The following SLC12A1 variants were observed in gnomAD, a reference collection of about 807,000 sequenced individuals.
SLC12A1 encodes solute carrier family 12 member 1.
SLC12A1 carries 89 observed loss-of-function variants against 130.4 expected under a neutral mutation model. That is an observed-to-expected ratio of 0.68 (90% CI 0.58 to 0.81). The LOEUF (loss-of-function observed/expected upper bound fraction) is 0.81, where lower values mean the gene tolerates loss of function less well. Ranked by LOEUF, SLC12A1 falls within the 40% of genes least tolerant of loss-of-function variation. The pLI, the probability that SLC12A1 is intolerant of heterozygous loss-of-function variation, is 0.00. For synonymous variants in SLC12A1, 499 were observed against 460.0 expected, an observed-to-expected ratio of 1.08 and a Z score of -1.09; for missense variants, 1,310 against 1,336.4, an observed-to-expected ratio of 0.98 and a Z score of 0.31.
chr15:48,217,284 A>G (rs1046121545), intron 2 of SLC12A1, among the ~76,000 whole-genome samples: 7 of 152,138 alleles, frequency 4.6e-5, no homozygotes, highest in African/African-American at 1.7e-4. Flanking sequence ...CCATCTCTAA[A>G]CCTAATTACT....
rs78248568 is a variant in SLC12A1, at chr15:48,211,374, C to T, written c.420+3235C>T. On this transcript the variant is annotated intron_variant, in intron 2 of 26. Transcript: ENST00000380993. ...ACTCAGCTACTCTCCTTACTTTTCCCCCCTCAAATATAAGAAGTGAAAACC... is the reference window on the plus strand; with the variant it reads ...ACTCAGCTACTCTCCTTACTTTTCCTCCCTCAAATATAAGAAGTGAAAACC... Among the ~76,000 whole-genome samples the T allele has an allele frequency of 1.4e-3, 210 of 152,204 alleles. 1 individual carries two copies. Among genetic ancestry groups the T allele is most frequent in the Non-Finnish European group, 2.2e-3 (152 of 68,010 alleles).
intron 8 of SLC12A1, 130 bp downstream of exon 8, chr15:48,232,968 G>A: frequency 1.5e-6 from 1 of 647,550 alleles, no homozygotes. Context: ...GGATGCGGAA[G>A]CCCAAAAGAA....
At chr15:48,260,447 C>G (rs1453858616) in intron 17 of SLC12A1, among the ~76,000 whole-genome samples, 1 of 151,668 alleles carries the variant, frequency 6.6e-6, no homozygotes, top group East Asian at 1.9e-4. Context: ...ATTCTTCAAA[C>G]CATTTTTCTT....
At position 48,274,630 on chromosome 15, in the gene SLC12A1, T is replaced by G. The variant is rs908711534; in HGVS notation, c.2462T>G (p.Ile821Ser). The G allele has an allele frequency of 4.3e-6, 7 of 1,612,416 alleles. No homozygotes were observed. The highest frequency in any genetic ancestry group is 5.9e-6 in the Non-Finnish European group (7 of 1,178,784). The stretch of plus-strand genomic sequence containing the variant: ...GTCAGAATCAGCCAAGGATTTGACA[T>G]CTCTCAGGTTCTTCAGGTGCAAGGT... ...VIVRISQGFD[I>S]SQVLQVQEEL... Residue 821 changes from isoleucine to serine, a missense_variant, in exon 20 of 27, where the codon ATC becomes AGC. By Grantham distance (142) the Ile-to-Ser change is moderately radical. Transcript: ENST00000380993.
intron 20 of SLC12A1, among the ~76,000 whole-genome samples, chr15:48,281,677 C>G (rs1353133717): frequency 6.6e-6 from 1 of 152,148 alleles, no homozygotes; most frequent in Non-Finnish European, 1.5e-5. Flanking sequence ...GAGAATAATA[C>G]CAGCTCTGCA....
At chr15:48,232,658 A>C (rs1354968294) in intron 7 of SLC12A1, 69 bp from the exon 8 acceptor site, 2 of 1,003,846 alleles carry the variant, frequency 2.0e-6, no homozygotes, top group Non-Finnish European at 3.2e-6. Context: ...GGACACTTCT[A>C]ACTTTTATAA....
chr15:48,245,072 A>G (rs1418976688), intron 11 of SLC12A1, among the ~76,000 whole-genome samples, 168 bp downstream of exon 11: 1 of 152,246 alleles, frequency 6.6e-6, no homozygotes, highest in Non-Finnish European at 1.5e-5. Flanking sequence ...ACATGGCAGT[A>G]AATCCTATGG....
At chr15:48,295,646 A>C (rs750650256) in intron 24 of SLC12A1, among the ~76,000 whole-genome samples, 1 of 152,222 alleles carries the variant, frequency 6.6e-6, no homozygotes. Context: ...ATTAGTTTTC[A>C]AAATTTTGGA....
chr15:48,237,003 G>A lies in SLC12A1; in HGVS notation c.1215+1999G>A, dbSNP rs369366907. 164 of 702,500 alleles carry A rather than the reference G, an allele frequency of 2.3e-4. 1 individual carries two copies. Among genetic ancestry groups the A allele is most frequent in the South Asian group, 1.2e-3 (80 of 67,560 alleles). The allele number at this position is 702,500 out of a possible 1,614,324, so 43.5% of individuals were successfully genotyped here. On this transcript the variant is annotated intron_variant, in intron 9 of 26. Coordinates refer to ENST00000380993, the MANE Select transcript of SLC12A1 (RefSeq NM_000338.3). ...TCACACCAGGCACTGAGGAAACAAG[G>A]AGCTTCACCTCTCCCTCAAGGAGCT...
At chr15:48,250,707 C>CACACACACACACACACACAT (rs1555383567) in intron 14 of SLC12A1, among the ~76,000 whole-genome samples, 7 of 151,058 alleles carry the variant, frequency 4.6e-5, no homozygotes, top group African/African-American at 1.5e-4. Flanking sequence ...CACACACACA[C>CACACACACACACACACACAT]GGACGGGAAG....
intron 17 of SLC12A1, among the ~76,000 whole-genome samples, chr15:48,262,393 G>A (rs905886648): frequency 1.3e-5 from 2 of 151,924 alleles, no homozygotes; most frequent in African/African-American, 4.8e-5. Flanking sequence ...GTCATTTCCT[G>A]CAACTGCAGC....
rs35469459 is a variant in SLC12A1 at position 48,280,055 on chromosome 15, A to T, written c.2486-5051A>T. On this transcript the variant is annotated intron_variant, in intron 20 of 26. Coordinates refer to ENST00000380993, the MANE Select transcript of SLC12A1 (RefSeq NM_000338.3). ...AAAATGGGAAGGGATTCCATTCCCC[A>T]GTGGGTTTCCCTGCTCTCCCTTCTG... 2.3e-3 allele frequency among the ~76,000 whole-genome samples: 347 copies of T among 150,326 alleles called. 1 individual carries two copies. The highest frequency in any genetic ancestry group is 8.1e-3 in the African/African-American group (332 of 41,172).
intron 24 of SLC12A1, among the ~76,000 whole-genome samples, chr15:48,298,759 C>T (rs1278819032): frequency 1.3e-5 from 2 of 152,180 alleles, no homozygotes; most frequent in Non-Finnish European, 2.9e-5. Flanking sequence ...CAAGTGGAAA[C>T]TCATTTGTGT....
chr15:48,264,876 A>G (rs920843155), intron 17 of SLC12A1, among the ~76,000 whole-genome samples: 1 of 152,180 alleles, frequency 6.6e-6, no homozygotes, highest in Non-Finnish European at 1.5e-5. Context: ...TCCACACTAC[A>G]TAATTAGAAA....
In SLC12A1 at chr15:48,226,752, T is replaced by C. The variant is rs35621239; in HGVS notation, c.724+181T>C. On this transcript the variant is annotated intron_variant, in intron 5 of 26. Transcript: ENST00000380993. ...TGAGAATAGTCCAGGTCTACTCTGG[T>C]CTCTTTTCTAATGGATCTCTCTGGC... 162 of 629,922 alleles carry C rather than the reference T, an allele frequency of 2.6e-4. No homozygotes were observed. In the African/African-American group the frequency reaches 2.8e-3, roughly 11 times the overall value. 39.0% of individuals were successfully genotyped at this position (629,922 alleles called of 1,614,324 possible).
intron 23 of SLC12A1, among the ~76,000 whole-genome samples, chr15:48,288,911 C>G (rs1303818636): frequency 6.6e-6 from 1 of 152,106 alleles, no homozygotes; most frequent in African/African-American, 2.4e-5. Context: ...TAATTCATGG[C>G]AGTCACTCTT....
chr15:48,276,958 A>G (rs1361351455), intron 20 of SLC12A1, among the ~76,000 whole-genome samples: 3 of 152,234 alleles, frequency 2.0e-5, no homozygotes, highest in Non-Finnish European at 4.4e-5. Flanking sequence ...TGGAATTGGC[A>G]TGACATAGGT....
chr15:48,209,483 C>T (rs564839266), intron 2 of SLC12A1, among the ~76,000 whole-genome samples: 1 of 152,174 alleles, frequency 6.6e-6, no homozygotes, highest in Admixed American at 6.5e-5. Context: ...CTTTATAAAA[C>T]ACAATTACCT....
chr15:48,302,648 A>T (rs1323925861), intron 26 of SLC12A1, 102 bp from the exon 27 acceptor site: 1 of 694,682 alleles, frequency 1.4e-6, no homozygotes, highest in Non-Finnish European at 2.1e-6. Context: ...AAAAAAAAAA[A>T]AATTAAGGCT....
Sources: gnomAD v4.1 joint callset for allele counts (sites outside exome capture counted in the v4.1 genomes callset) on GRCh38, gnomAD v4.1.1 for gene constraint, MANE v1.5 for transcripts, NCBI Gene and HGNC (gene_info 2026-07-23, HGNC 2026-07-21) for gene names.